The following MEF2A variants were observed in gnomAD, a reference collection of about 807,000 sequenced individuals.
MEF2A encodes myocyte enhancer factor 2A.
Under a neutral mutation model 55.8 loss-of-function variants are expected in MEF2A, and 28 were observed. The observed-to-expected ratio is 0.50, with a 90% CI of 0.37 to 0.69. The LOEUF is 0.69. Among genes scored for constraint, MEF2A ranks in the 30% least tolerant of loss-of-function variants. The pLI is 0.00. For synonymous variants in MEF2A, 239 were observed against 227.1 expected, an observed-to-expected ratio of 1.05 and a Z score of -0.47; for missense variants, 528 against 626.2, an observed-to-expected ratio of 0.84 and a Z score of 1.67.
At chr15:99,710,534 T>C (rs1297373972) in intron 10 of MEF2A, 100 bp from the exon 11 acceptor site, 3 of 1,462,136 alleles carry the variant, frequency 2.1e-6, no homozygotes, top group Non-Finnish European at 9.4e-7. Context: ...TGAGCCAGCA[T>C]GGCTGGCCTC....
intron 8 of MEF2A, 126 bp from the exon 9 acceptor site, chr15:99,703,236 A>G (rs2057627810): frequency 3.8e-6 from 3 of 799,734 alleles, no homozygotes; most frequent in Admixed American, 2.2e-5. Context: ...TGTTGTGTAT[A>G]TAATCGTCTC....
At chr15:99,584,293 C>G (rs959772048) in intron 1 of MEF2A, among the ~76,000 whole-genome samples, 2 of 152,042 alleles carry the variant, frequency 1.3e-5, no homozygotes, top group Non-Finnish European at 2.9e-5. Context: ...GGCAGTGATA[C>G]AGAAAATCTG....
chr15:99,639,306 A>G (rs1168872483), intron 3 of MEF2A, among the ~76,000 whole-genome samples: 1 of 151,962 alleles, frequency 6.6e-6, no homozygotes, highest in Non-Finnish European at 1.5e-5. Context: ...TGTTTTCTTT[A>G]TATTTTTTAA....
chr15:99,638,797 G>A (rs1181390929), intron 3 of MEF2A, among the ~76,000 whole-genome samples: 1 of 151,572 alleles, frequency 6.6e-6, no homozygotes, highest in African/African-American at 2.4e-5. Flanking sequence ...TTTTCTCTTT[G>A]TTCTCAATTA....
At chr15:99,644,371 C>T (rs953886434) in intron 3 of MEF2A, among the ~76,000 whole-genome samples, 1 of 152,144 alleles carries the variant, frequency 6.6e-6, no homozygotes, top group Non-Finnish European at 1.5e-5. Context: ...ACAGAAACAT[C>T]ATTGAATTGT....
At chr15:99,579,972 G>A (rs576065417) in intron 1 of MEF2A, among the ~76,000 whole-genome samples, 9 of 151,852 alleles carry the variant, frequency 5.9e-5, no homozygotes, top group African/African-American at 1.9e-4. Context: ...GTTTCGGTGC[G>A]CCTCTTTATG....
At chr15:99,640,809 A>G (rs2044758249) in intron 3 of MEF2A, among the ~76,000 whole-genome samples, 1 of 151,936 alleles carries the variant, frequency 6.6e-6, no homozygotes, top group Non-Finnish European at 1.5e-5. Flanking sequence ...TGGCCCTCCC[A>G]AAGTGCTGGG....
intron 4 of MEF2A, among the ~76,000 whole-genome samples, chr15:99,646,216 A>G (rs2045940564): frequency 6.6e-6 from 1 of 152,126 alleles, no homozygotes; most frequent in African/African-American, 2.4e-5. Flanking sequence ...GGGCAACAGG[A>G]GAAAGTCCTC....
At chr15:99,711,460 C>T (rs1411938820) in intron 11 of MEF2A, among the ~76,000 whole-genome samples, 2 of 152,138 alleles carry the variant, frequency 1.3e-5, no homozygotes, top group Non-Finnish European at 2.9e-5. Flanking sequence ...CCCTGACAGC[C>T]GGGAGAAAGA....
chr15:99,607,464 A>C (rs1975565678), intron 2 of MEF2A, among the ~76,000 whole-genome samples: 1 of 152,194 alleles, frequency 6.6e-6, no homozygotes, highest in African/African-American at 2.4e-5. Context: ...AGATGATATG[A>C]GGTTAAAAGG....
intron 10 of MEF2A, among the ~76,000 whole-genome samples, chr15:99,708,543 C>T (rs990257105): frequency 9.9e-5 from 15 of 152,164 alleles, no homozygotes; most frequent in African/African-American, 1.9e-4. Flanking sequence ...ACCTTTTGAC[C>T]GACTTTATCT....
chr15:99,666,808 T>C (rs889046985), intron 4 of MEF2A, among the ~76,000 whole-genome samples: 2 of 152,106 alleles, frequency 1.3e-5, no homozygotes, highest in African/African-American at 4.8e-5. Flanking sequence ...CCTCCTCTCT[T>C]CCTCCACCAG....
At chr15:99,575,989 A>T (rs1964146110) in intron 1 of MEF2A, among the ~76,000 whole-genome samples, 1 of 152,192 alleles carries the variant, frequency 6.6e-6, no homozygotes, top group African/African-American at 2.4e-5. Context: ...TTTGTTGAGC[A>T]CTTTCTTGCA....
At chr15:99,646,862 C>T (rs1271574412) in intron 4 of MEF2A, among the ~76,000 whole-genome samples, 3 of 151,988 alleles carry the variant, frequency 2.0e-5, no homozygotes, top group African/African-American at 4.8e-5. Flanking sequence ...TTAAAAACAG[C>T]TTTTGTTACT....
intron 2 of MEF2A, among the ~76,000 whole-genome samples, chr15:99,612,164 C>T (rs1488295701): frequency 6.6e-6 from 1 of 152,100 alleles, no homozygotes; most frequent in African/African-American, 2.4e-5. Context: ...ACCTGTAATC[C>T]TAGCACTTTG....
At chr15:99,613,295 C>A (rs978578722) in intron 2 of MEF2A, among the ~76,000 whole-genome samples, 1 of 152,104 alleles carries the variant, frequency 6.6e-6, no homozygotes, top group Non-Finnish European at 1.5e-5. Flanking sequence ...CAGTTGAATC[C>A]GGTGTTCTTT....
intron 4 of MEF2A, among the ~76,000 whole-genome samples, chr15:99,655,892 C>T (rs1046038918): frequency 2.0e-5 from 3 of 152,082 alleles, no homozygotes; most frequent in African/African-American, 7.2e-5. Flanking sequence ...TGATCTGGCT[C>T]TCTCTTTCAT....
In MEF2A at chr15:99,712,484, C is replaced by T; in HGVS notation, c.1231C>T (p.Arg411Cys). 5.8e-6 allele frequency: 9 copies of T among 1,551,546 alleles called. No homozygotes were observed. Among genetic ancestry groups the T allele is most frequent in the Admixed American group, 2.0e-5 (1 of 50,972 alleles). Residue 411 changes from arginine to cysteine, a missense_variant, in exon 12 of 12, where the codon CGT becomes TGT. This residue lies in a region of MEF2A where 450 missense variants were observed against 475.3 expected (regional missense o/e 0.95). Transcript: ENST00000557942. The surrounding 1 kb of genome is among the most constrained non-coding windows in gnomAD (Gnocchi z 4.1). ...KSEPISPPRD[R>C]MTPSGFQQQQ... ...CGAACCGATTTCACCTCCTCGGGATCGTATGACCCCATCGGGCTTCCAGCA... is the reference window on the plus strand; with the variant it reads ...CGAACCGATTTCACCTCCTCGGGATTGTATGACCCCATCGGGCTTCCAGCA...
chr15:99,682,130 TA>T (rs1167243626), intron 7 of MEF2A, among the ~76,000 whole-genome samples: 2 of 152,202 alleles, frequency 1.3e-5, no homozygotes, highest in Admixed American at 1.3e-4. Flanking sequence ...AGTTTAACCC[TA>T]GAAGAGTAGT....
Sources: gnomAD v4.1 joint callset for allele counts (sites outside exome capture counted in the v4.1 genomes callset) on GRCh38, gnomAD v4.1.1 for gene constraint, gnomAD v4.1.1 regional missense constraint, Gnocchi (gnomAD v3.1) non-coding constraint, MANE v1.5 for transcripts, NCBI Gene and HGNC (gene_info 2026-07-23, HGNC 2026-07-21) for gene names.